Variants in RASSF8 observed in about 807,000 individuals in gnomAD.
RASSF8 encodes Ras association domain family member 8, also known as ras association domain-containing protein 8.
A neutral mutation model predicts 48.5 loss-of-function variants in RASSF8; 22 were observed. The observed-to-expected ratio is 0.45, with a 90% confidence interval of 0.32 to 0.65. RASSF8 has a LOEUF of 0.65. RASSF8 is among the 30% of genes least tolerant of loss of function. The pLI, the probability that RASSF8 is intolerant of heterozygous loss-of-function variation, is 0.03. For synonymous variants in RASSF8, 127 were observed against 171.5 expected (o/e 0.74, Z 2.03); for missense variants, 418 against 489.2 (o/e 0.85, Z 1.37).
chr12:25,974,638 C>T (rs778544189), intron 1 of RASSF8, among the ~76,000 whole-genome samples: 3 of 152,036 alleles, frequency 2.0e-5, no homozygotes, highest in Non-Finnish European at 4.4e-5. Context: ...CTCAATACAG[C>T]TTTAACTATT....
intron 1 of RASSF8, among the ~76,000 whole-genome samples, chr12:25,985,232 G>C (rs1409755600): frequency 6.6e-6 from 1 of 152,178 alleles, no homozygotes; most frequent in Non-Finnish European, 1.5e-5. Flanking sequence ...GGTTTTTTGT[G>C]TGTGTGTGGG....
At chr12:25,958,633 C>CGCCCGGCCCG (rs533183570), upstream of RASSF8, 44 of 146,074 alleles carry the variant, frequency 3.0e-4, no homozygotes, top group South Asian at 4.0e-4. Context: ...GCCGCCTGGC[C>CGCCCGGCCCG]GCCCGGCCCG....
intron 2 of RASSF8, among the ~76,000 whole-genome samples, chr12:26,017,122 A>AT (rs34923328): frequency 6.6e-6 from 1 of 152,058 alleles, no homozygotes; most frequent in Admixed American, 6.6e-5. Flanking sequence ...TAAATGAAAT[A>AT]TTTTTTTAAA....
chr12:26,064,644 C>G lies in RASSF8; in HGVS notation c.250C>G (p.Leu84Val). The G allele has an allele frequency of 1.2e-6, 2 of 1,614,166 alleles. No homozygotes were observed. Among genetic ancestry groups the G allele is most frequent in the Non-Finnish European group, 8.5e-7 (1 of 1,180,032 alleles). ...QLILRRTGPS[L>V]SERPTSDSVA... ...CATTCTACGACGAACTGGGCCGTCT[C>G]TCAGTGAGCGACCCACTTCAGACAG... The change falls in exon 4 of 6, where the codon CTC (leucine) becomes GTC (valine). Residue 84 changes from leucine to valine, a missense_variant. Leu to Val is a conservative substitution (Grantham distance 32, BLOSUM62 1). Coordinates refer to ENST00000689635, the MANE Select transcript of RASSF8 (RefSeq NM_001394098.1).
intron 2 of RASSF8, among the ~76,000 whole-genome samples, chr12:26,016,737 TTTC>T (rs1000058218): frequency 2.0e-5 from 3 of 152,202 alleles, no homozygotes; most frequent in Admixed American, 2.0e-4. Context: ...GTGAAAATAT[TTTC>T]TTCTTCCTCT....
At chr12:26,023,738 G>C (rs1942840707) in intron 2 of RASSF8, among the ~76,000 whole-genome samples, 1 of 152,062 alleles carries the variant, frequency 6.6e-6, no homozygotes, top group African/African-American at 2.4e-5. Flanking sequence ...ATGTGTGTTT[G>C]TTCTTTTTTT....
intron 2 of RASSF8, among the ~76,000 whole-genome samples, chr12:26,040,554 C>T (rs1250524311): frequency 2.0e-5 from 3 of 152,194 alleles, no homozygotes; most frequent in African/African-American, 7.2e-5. Context: ...GTAGAACCTG[C>T]AGCTCCTGCT....
Position 26,071,945 on chromosome 12 carries a change from G to A in RASSF8, c.*3127G>A. ...AAAGGATAATTTTCTCTGTGAATAA[G>A]AGCAAAATGGTCTTCAGAGAAACAG... is the stretch of plus-strand genomic sequence containing the variant. On this transcript the variant is annotated 3_prime_UTR_variant, in exon 6 of 6. Coordinates refer to ENST00000689635, the MANE Select transcript of RASSF8 (RefSeq NM_001394098.1). 2 of 985,376 alleles carry A rather than the reference G, an allele frequency of 2.0e-6. No homozygotes were observed. The highest frequency in any genetic ancestry group is 3.5e-5 in the African/African-American group (2 of 57,354). The allele number at this position is 985,376 out of a possible 1,614,324, so 61.0% of individuals were successfully genotyped here. A position where few individuals can be genotyped will look rare whatever the true frequency, so the allele number is the denominator to read the frequency against.
intron 2 of RASSF8, among the ~76,000 whole-genome samples, chr12:26,015,074 T>C (rs1942616567): frequency 2.0e-5 from 3 of 151,704 alleles, no homozygotes; most frequent in Admixed American, 2.0e-4. Context: ...CCAGGCATCA[T>C]TGTGTGCGCC....
intron 2 of RASSF8, among the ~76,000 whole-genome samples, chr12:26,016,936 A>G (rs1387974000): frequency 1.3e-5 from 2 of 152,102 alleles, no homozygotes; most frequent in African/African-American, 4.8e-5. Context: ...TCTTTCATTT[A>G]TCTGCTGTGT....
At chr12:26,063,369 T>C (rs1243176237) in intron 3 of RASSF8, among the ~76,000 whole-genome samples, 2 of 152,150 alleles carry the variant, frequency 1.3e-5, no homozygotes, top group African/African-American at 4.8e-5. Flanking sequence ...TATTTTTCAA[T>C]GTATATGTGA....
chr12:25,964,916 T>C (rs1050927759), intron 1 of RASSF8, among the ~76,000 whole-genome samples: 4 of 152,284 alleles, frequency 2.6e-5, no homozygotes, highest in African/African-American at 9.6e-5. Flanking sequence ...CTTATATTTC[T>C]TTTTTTAAAC....
chr12:25,974,535 A>G (rs1941560804), intron 1 of RASSF8, among the ~76,000 whole-genome samples: 1 of 151,934 alleles, frequency 6.6e-6, no homozygotes, highest in South Asian at 2.1e-4. Context: ...CTATACTAGC[A>G]GACACAGAGC....
Position 26,067,636 on chromosome 12 carries a change from A to C in RASSF8, c.1061A>C (p.Gln354Pro). ...LRQVNLQQFI[Q>P]QTGTKVTVLP... ...CAAGTCAATCTCCAGCAGTTCATCC[A>C]GCAGACAGGGACAAAAGTTACCGTT... is the stretch of plus-strand genomic sequence containing the variant. The change falls in exon 5 of 6, where the codon CAG (glutamine) becomes CCG (proline). Residue 354 changes from glutamine (Q) to proline (P), a missense_variant. Transcript: ENST00000689635. The C allele has an allele frequency of 6.2e-7, 1 of 1,614,164 alleles. No homozygotes were observed. The highest frequency in any genetic ancestry group is 8.5e-7 in the Non-Finnish European group (1 of 1,180,006).
At chr12:25,996,393 TA>T (rs1156863114) in intron 2 of RASSF8, among the ~76,000 whole-genome samples, 1 of 152,244 alleles carries the variant, frequency 6.6e-6, no homozygotes, top group Non-Finnish European at 1.5e-5. Flanking sequence ...AGCTTTCTTT[TA>T]TACATTAATT....
At chr12:26,020,504 A>G (rs1040074589) in intron 2 of RASSF8, 1 of 152,188 alleles carries the variant, frequency 6.6e-6, no homozygotes, top group African/African-American at 2.4e-5. Flanking sequence ...AAGAGAAAAC[A>G]CTTTACAAAG....
chr12:26,017,780 G>A (rs2137049470), intron 2 of RASSF8, among the ~76,000 whole-genome samples: 1 of 152,342 alleles, frequency 6.6e-6, no homozygotes, highest in African/African-American at 2.4e-5. Context: ...CGCTCCTCTT[G>A]CCCTTTCCTG....
At chr12:25,991,980 T>G (rs1281374303) in intron 1 of RASSF8, among the ~76,000 whole-genome samples, 2 of 152,242 alleles carry the variant, frequency 1.3e-5, no homozygotes, top group Non-Finnish European at 2.9e-5. Flanking sequence ...CCTCTCCTTT[T>G]CCCCATAATT....
chr12:25,995,974 TC>T (rs961846061), intron 2 of RASSF8, among the ~76,000 whole-genome samples: 2 of 152,134 alleles, frequency 1.3e-5, no homozygotes, highest in African/African-American at 4.8e-5. Context: ...TAAACTGATT[TC>T]CCCCTGAAAT....
Sources: allele counts gnomAD v4.1 joint callset (sites outside exome capture counted in the v4.1 genomes callset), GRCh38; gene constraint gnomAD v4.1.1; transcripts MANE v1.5; gene names NCBI Gene and HGNC (gene_info 2026-07-23, HGNC 2026-07-21).